ITPR1: variants seen among roughly 807,000 people sequenced by gnomAD.
ITPR1 encodes the protein inositol 1,4,5-trisphosphate-gated calcium channel ITPR1.
Under a neutral mutation model 318.4 loss-of-function variants are expected in ITPR1, and 96 were observed. The ratio of observed to expected loss-of-function variants is 0.30; its 90% CI spans 0.26 to 0.36. The LOEUF (loss-of-function observed/expected upper bound fraction) is 0.36, where lower values mean the gene tolerates loss of function less well. ITPR1 is among the 10% of genes least tolerant of loss of function. The probability of loss-of-function intolerance (pLI) is 1.00; values close to 1 mark genes in which losing one functional copy is unlikely to be tolerated. For missense variants in ITPR1, 2,440 were observed against 3,460.2 expected (o/e 0.71, Z 7.40); for synonymous variants, 1,312 against 1,289.9 (o/e 1.02, Z -0.37).
intron 52 of ITPR1, among the ~76,000 whole-genome samples, chr3:4,788,405 G>A (rs2047339317): frequency 6.6e-6 from 1 of 152,168 alleles, no homozygotes; most frequent in African/African-American, 2.4e-5. Context: ...CTTTTTGAAT[G>A]CCTCTTTTGA....
At chr3:4,827,963 A>T (rs2050189699) in intron 60 of ITPR1, among the ~76,000 whole-genome samples, 1 of 152,094 alleles carries the variant, frequency 6.6e-6, no homozygotes, top group South Asian at 2.1e-4. Flanking sequence ...GGCGAGACGG[A>T]TAACATCTTC....
At chr3:4,582,833 C>T (rs2089493226) in intron 4 of ITPR1, among the ~76,000 whole-genome samples, 1 of 152,158 alleles carries the variant, frequency 6.6e-6, no homozygotes, top group African/African-American at 2.4e-5. Context: ...AATGTGTTCT[C>T]CTTCTTCCAG....
At chr3:4,822,287 C>T (rs2049778998) in intron 60 of ITPR1, among the ~76,000 whole-genome samples, 1 of 152,186 alleles carries the variant, frequency 6.6e-6, no homozygotes, top group African/African-American at 2.4e-5. Context: ...GGGCTGACAG[C>T]AGAGCTGACA....
chr3:4,768,196 C>G (rs1466143887), intron 45 of ITPR1: 3 of 267,508 alleles, frequency 1.1e-5, no homozygotes, highest in Non-Finnish European at 2.1e-5. Context: ...GGATGCTCTC[C>G]CATTTTAAAG....
At chr3:4,523,587 C>T (rs561512393) in intron 4 of ITPR1, among the ~76,000 whole-genome samples, 7 of 152,148 alleles carry the variant, frequency 4.6e-5, no homozygotes, top group Non-Finnish European at 1.0e-4. Context: ...CAATCCTCCA[C>T]CCCAGCCCCT....
chr3:4,608,240 G>A (rs935233309), intron 4 of ITPR1, among the ~76,000 whole-genome samples: 25 of 152,250 alleles, frequency 1.6e-4, no homozygotes, highest in African/African-American at 5.8e-4. Flanking sequence ...ATCCTCTGGA[G>A]CATTGTATCA....
intron 4 of ITPR1, among the ~76,000 whole-genome samples, chr3:4,594,177 C>G (rs1206890633): frequency 6.6e-6 from 1 of 152,168 alleles, no homozygotes; most frequent in African/African-American, 2.4e-5. Flanking sequence ...TCACCAGGGA[C>G]TCACTGGTAC....
At chr3:4,830,030 T>G (rs2874879) in intron 60 of ITPR1, among the ~76,000 whole-genome samples, 144,824 of 145,016 alleles carry the variant, frequency 1, 72,317 homozygotes, top group Middle Eastern at 1. Context: ...CTGGAGTGCA[T>G]TGGCACCATC....
At chr3:4,496,767 T>G (rs1415886905) in intron 2 of ITPR1, among the ~76,000 whole-genome samples, 3 of 152,162 alleles carry the variant, frequency 2.0e-5, no homozygotes, top group Non-Finnish European at 4.4e-5. Flanking sequence ...GGGGGGAATA[T>G]CACATGGCTT....
chr3:4,494,679 C>G (rs1200043430), intron 2 of ITPR1, among the ~76,000 whole-genome samples, 173 bp downstream of exon 2: 1 of 152,182 alleles, frequency 6.6e-6, no homozygotes, highest in African/African-American at 2.4e-5. Flanking sequence ...AGCAGAGGTC[C>G]AGTGGACAGT....
intron 4 of ITPR1, among the ~76,000 whole-genome samples, chr3:4,618,365 C>T (rs1480980096): frequency 6.6e-5 from 10 of 152,168 alleles, no homozygotes; most frequent in Non-Finnish European, 1.5e-5. Context: ...CTCTTGATGT[C>T]TGTAGATGAA....
chr3:4,667,440 G>A lies in ITPR1; in HGVS notation c.1777G>A (p.Asp593Asn). 1 of 1,613,524 alleles carries A rather than the reference G, an allele frequency of 6.2e-7. No individual in the cohort carries two copies. Among genetic ancestry groups the A allele is most frequent in the Non-Finnish European group, 8.5e-7 (1 of 1,179,688 alleles). ...KQIGYDVLAE[D>N]TITALLHNNR... ...GATTGGCTATGATGTGTTGGCTGAA[G>A]ACACTATCACTGCCCTGCTCCACAA... Residue 593 changes from aspartate (D) to asparagine (N), a missense_variant, in exon 18 of 62, where the codon GAC becomes AAC. By Grantham distance (23) the Asp-to-Asn change is conservative (BLOSUM62 1). Around this residue, in one of 23 missense-constraint regions of ITPR1, gnomAD observed 478 missense variants for 696.3 expected, o/e 0.69. Coordinates refer to ENST00000649015, the MANE Select transcript of ITPR1 (RefSeq NM_001378452.1).
At chr3:4,617,127 A>G (rs2092418515) in intron 4 of ITPR1, among the ~76,000 whole-genome samples, 1 of 152,076 alleles carries the variant, frequency 6.6e-6, no homozygotes, top group Non-Finnish European at 1.5e-5. Context: ...ACCAGTTGCC[A>G]CTCACAGTAG....
chr3:4,820,825 C>T (rs1318820217), intron 60 of ITPR1, among the ~76,000 whole-genome samples: 3 of 152,174 alleles, frequency 2.0e-5, no homozygotes, highest in African/African-American at 7.2e-5. Context: ...TGAATCCCTG[C>T]TGCGGACTCC....
At chr3:4,755,404 ATTT>A (rs71053440) in intron 44 of ITPR1, among the ~76,000 whole-genome samples, 21,433 of 143,874 alleles carry the variant, frequency 0.15, 1,696 homozygotes, top group Middle Eastern at 0.22. Flanking sequence ...AATTAAAAAC[ATTT>A]TTTTTTTTTT....
rs112493293 is a variant in ITPR1 at position 4,601,411 on chromosome 3, C to T, written c.164-26352C>T. Among the ~76,000 whole-genome samples, 179 of 150,326 alleles carry T rather than the reference C, an allele frequency of 1.2e-3. 1 individual carries two copies. Among genetic ancestry groups the T allele is most frequent in the African/African-American group, 3.1e-3 (127 of 40,928 alleles). On this transcript the variant is annotated intron_variant, in intron 4 of 61. Transcript: ENST00000649015. Reference sequence around the variant, plus strand: ...GCATACACCTGTAGTCCCAGCTACTCGGGAGGCTGAGGTGGGAGGATCACC... The same window carrying T: ...GCATACACCTGTAGTCCCAGCTACTTGGGAGGCTGAGGTGGGAGGATCACC...
In ITPR1 at chr3:4,779,652, C is replaced by T. The variant is rs1385604051; in HGVS notation, c.6387+7C>T. On this transcript the variant is annotated splice_region_variant and intron_variant, in intron 49 of 61. Transcript: ENST00000649015. The surrounding 1 kb of genome is among the most constrained non-coding windows in gnomAD (Gnocchi z 4.0). ...CATGAGGCCCAAGGAACTGGTGAGTCGGGTGACGGATCTGATGGTAGCACC... is the reference window on the plus strand; with the variant it reads ...CATGAGGCCCAAGGAACTGGTGAGTTGGGTGACGGATCTGATGGTAGCACC... The T allele has an allele frequency of 1.1e-5, 17 of 1,588,822 alleles. No homozygotes were observed. The highest frequency in any genetic ancestry group is 2.7e-5 in the African/African-American group (2 of 74,326).
At chr3:4,596,346 T>C (rs539350098) in intron 4 of ITPR1, among the ~76,000 whole-genome samples, 1 of 152,336 alleles carries the variant, frequency 6.6e-6, no homozygotes, top group South Asian at 2.1e-4. Context: ...AGTATTAGTT[T>C]TTAAAAATGT....
chr3:4,717,435 A>G (rs781666122), intron 40 of ITPR1, 36 bp downstream of exon 40: 11 of 1,541,108 alleles, frequency 7.1e-6, no homozygotes, highest in Non-Finnish European at 9.8e-6. Context: ...TTCATGTCTC[A>G]TGGTGGTGTT....
Sources: allele counts gnomAD v4.1 joint callset (sites outside exome capture counted in the v4.1 genomes callset), GRCh38; gene constraint gnomAD v4.1.1; regional missense constraint gnomAD v4.1.1; non-coding constraint Gnocchi (gnomAD v3.1); transcripts MANE v1.5; gene names NCBI Gene and HGNC (gene_info 2026-07-23, HGNC 2026-07-21).